The following SMYD3 variants were observed in gnomAD, a reference collection of about 807,000 sequenced individuals.
SMYD3 encodes the protein SET and MYND domain containing 3.
Under a neutral mutation model 57.7 loss-of-function variants are expected in SMYD3, and 36 were observed. The ratio of observed to expected loss-of-function variants is 0.62; its 90% CI spans 0.48 to 0.82. The LOEUF (loss-of-function observed/expected upper bound fraction) is 0.82, where lower values mean the gene tolerates loss of function less well. SMYD3 is among the 40% of genes least tolerant of loss of function. The pLI is 0.00. For missense variants in SMYD3, 515 were observed against 538.8 expected (o/e 0.96, Z 0.44); for synonymous variants, 211 against 195.0 (o/e 1.08, Z -0.68).
chr1:245,849,894 A>C (rs9287177), intron 10 of SMYD3, among the ~76,000 whole-genome samples: 127,111 of 152,110 alleles, frequency 0.84, 54,058 homozygotes, highest in Non-Finnish European at 0.93. Flanking sequence ...CTCAAGCAAT[A>C]TGCCTGCCTT....
rs375881819 is a variant in SMYD3 at position 245,938,008 on chromosome 1, C to T, written c.532-8071G>A. Among the ~76,000 whole-genome samples, 440 of 152,258 alleles carry T rather than the reference C, an allele frequency of 2.9e-3. 3 individuals are homozygous for T. The highest frequency in any genetic ancestry group is 4.6e-3 in the Non-Finnish European group (311 of 68,006). ...TGGAGAAAAGGAAACTACAGAAAAA[C>T]GTTACACGTGAAAGGTAAGACTGCA... On this transcript the variant is annotated intron_variant, in intron 5 of 11. Transcript: ENST00000490107.
chr1:246,224,472 G>A (rs2063300520), intron 5 of SMYD3, among the ~76,000 whole-genome samples: 1 of 152,074 alleles, frequency 6.6e-6, no homozygotes, highest in Admixed American at 6.5e-5. Context: ...CCCAGGGGCA[G>A]ATATATTAGT....
chr1:245,806,916 C>CAAAAAAAAAAAAAAAAAAAAAAA (rs112012738), intron 10 of SMYD3, among the ~76,000 whole-genome samples: 1 of 41,332 alleles, frequency 2.4e-5, no homozygotes, highest in South Asian at 1.2e-3. Context: ...GACTCCGTCT[C>CAAAAAAAAAAAAAAAAAAAAAAA]AAAAAAAAAA....
chr1:246,254,722 C>G (rs915164270), intron 5 of SMYD3, among the ~76,000 whole-genome samples: 1 of 152,190 alleles, frequency 6.6e-6, no homozygotes, highest in Admixed American at 6.5e-5. Context: ...CTGCTATGGG[C>G]AGAATGGCCA....
chr1:246,168,426 A>G (rs1161936173), intron 5 of SMYD3, among the ~76,000 whole-genome samples: 4 of 152,168 alleles, frequency 2.6e-5, no homozygotes, highest in African/African-American at 9.7e-5. Flanking sequence ...TGTGCAAAAT[A>G]TTAATTTTTA....
chr1:246,022,430 C>T (rs2059488307), intron 5 of SMYD3, among the ~76,000 whole-genome samples: 1 of 152,154 alleles, frequency 6.6e-6, no homozygotes, highest in African/African-American at 2.4e-5. Context: ...GCCACGCAGC[C>T]TTGCTTTAAA....
chr1:245,839,088 C>T (rs142939937), intron 10 of SMYD3, among the ~76,000 whole-genome samples: 4 of 152,356 alleles, frequency 2.6e-5, no homozygotes, highest in Middle Eastern at 3.4e-3. Flanking sequence ...ACCTCTGTCT[C>T]TGCCCTCTCC....
intron 1 of SMYD3, among the ~76,000 whole-genome samples, chr1:246,387,219 T>C (rs2066497921): frequency 6.6e-6 from 1 of 152,246 alleles, no homozygotes. Flanking sequence ...GTATGAGCTT[T>C]AGACATGGAC....
chr1:246,456,549 C>T (rs1165785703), intron 1 of SMYD3, among the ~76,000 whole-genome samples: 1 of 152,200 alleles, frequency 6.6e-6, no homozygotes, highest in Non-Finnish European at 1.5e-5. Flanking sequence ...TCTGCCCTAA[C>T]TGACCCCAGG....
chr1:246,152,242 G>C (rs1483192095), intron 5 of SMYD3, among the ~76,000 whole-genome samples: 2 of 152,198 alleles, frequency 1.3e-5, no homozygotes, highest in Non-Finnish European at 2.9e-5. Context: ...CTGGCGTCTG[G>C]AGAGCAGGGA....
intron 5 of SMYD3, among the ~76,000 whole-genome samples, chr1:246,047,918 G>A (rs561569720): frequency 1.3e-5 from 2 of 151,900 alleles, no homozygotes; most frequent in Non-Finnish European, 2.9e-5. Flanking sequence ...AAACCCACAG[G>A]GCATTTTTTA....
At chr1:246,177,336 CAA>C (rs1460274737) in intron 5 of SMYD3, among the ~76,000 whole-genome samples, 1 of 152,084 alleles carries the variant, frequency 6.6e-6, no homozygotes, top group Non-Finnish European at 1.5e-5. Flanking sequence ...AAAAGGAGGA[CAA>C]AACAAAAACC....
chr1:246,329,955 C>T (rs1341478833), intron 4 of SMYD3, among the ~76,000 whole-genome samples: 2 of 152,174 alleles, frequency 1.3e-5, no homozygotes, highest in Non-Finnish European at 2.9e-5. Flanking sequence ...TTGCTTAGCA[C>T]TCAGATATGG....
intron 5 of SMYD3, among the ~76,000 whole-genome samples, chr1:246,143,164 CAA>C (rs1491158317): frequency 0.013 from 1,778 of 134,528 alleles, 30 homozygotes; most frequent in African/African-American, 0.054. Flanking sequence ...CACACACACA[CAA>C]ACATGCATCC....
intron 5 of SMYD3, among the ~76,000 whole-genome samples, chr1:246,204,203 T>A (rs997989534): frequency 6.6e-6 from 1 of 152,246 alleles, no homozygotes; most frequent in Non-Finnish European, 1.5e-5. Flanking sequence ...AATAGGTTTA[T>A]AATCTATTTT....
chr1:246,124,190 T>C (rs1337597580), intron 5 of SMYD3, among the ~76,000 whole-genome samples: 1 of 152,226 alleles, frequency 6.6e-6, no homozygotes, highest in Non-Finnish European at 1.5e-5. Flanking sequence ...CTTTAAAAAG[T>C]ACCTTTAGCC....
rs532827135 is a variant in SMYD3 at position 245,806,848 on chromosome 1, T to C, written c.1077-42699A>G. Among the ~76,000 whole-genome samples the C allele has an allele frequency of 6.7e-3, 907 of 134,832 alleles. 2 individuals carry two copies. Among genetic ancestry groups the C allele is most frequent in the Non-Finnish European group, 0.011 (729 of 66,146 alleles). 88.5% of individuals were successfully genotyped at this position (134,832 alleles called of 152,430 possible). On this transcript the variant is annotated intron_variant, in intron 10 of 11. Coordinates refer to ENST00000490107, the MANE Select transcript of SMYD3 (RefSeq NM_001167740.2). ...TGGCGTGAACCCGGGAGGCGGAGCT[T>C]GCAGTGAGCCGAGATCGCGCCACTG...
intron 5 of SMYD3, among the ~76,000 whole-genome samples, chr1:246,093,962 T>C (rs139214856): frequency 9.0e-4 from 137 of 152,240 alleles, no homozygotes; most frequent in Middle Eastern, 3.4e-3. Context: ...GAAGTCGGTG[T>C]AGCGTGTGTT....
intron 5 of SMYD3, among the ~76,000 whole-genome samples, chr1:246,276,731 G>C (rs1273266521): frequency 6.7e-6 from 1 of 150,062 alleles, no homozygotes; most frequent in Non-Finnish European, 1.5e-5. Flanking sequence ...GTCTGTAGTG[G>C]AGTCTGATGC....
Sources: allele counts gnomAD v4.1 joint callset (sites outside exome capture counted in the v4.1 genomes callset), GRCh38; gene constraint gnomAD v4.1.1; transcripts MANE v1.5; gene names NCBI Gene and HGNC (gene_info 2026-07-23, HGNC 2026-07-21).